Variants in MAST4 observed in about 807,000 individuals in gnomAD.
The protein encoded by MAST4 is microtubule associated serine/threonine kinase family member 4.
MAST4 carries 89 observed loss-of-function variants against 162.7 expected under a neutral mutation model. The observed-to-expected ratio is 0.55, with a 90% CI of 0.46 to 0.65. The LOEUF (loss-of-function observed/expected upper bound fraction) is 0.65. Among genes scored for constraint, MAST4 ranks in the 30% least tolerant of loss-of-function variants. The pLI, the probability that MAST4 is intolerant of heterozygous loss-of-function variation, is 0.00. For missense variants in MAST4, 3,153 were observed against 3,374.0 expected, an observed-to-expected ratio of 0.93 and a Z score of 1.62; for synonymous variants, 1,479 against 1,361.1, an observed-to-expected ratio of 1.09 and a Z score of -1.91.
intron 3 of MAST4, among the ~76,000 whole-genome samples, chr5:66,869,064 G>A (rs1760738967): frequency 6.6e-6 from 1 of 152,124 alleles, no homozygotes; most frequent in African/African-American, 2.4e-5. Flanking sequence ...TTTTCCCGAT[G>A]AGTAGGAGCC....
At chr5:66,779,240 A>G (rs1754740700) in intron 2 of MAST4, among the ~76,000 whole-genome samples, 1 of 152,146 alleles carries the variant, frequency 6.6e-6, no homozygotes, top group Middle Eastern at 3.2e-3. Context: ...CCTACTCCCA[A>G]TACCAGCCTT....
intron 5 of MAST4, among the ~76,000 whole-genome samples, chr5:67,055,199 G>C (rs1234723941): frequency 6.6e-6 from 1 of 152,160 alleles, no homozygotes; most frequent in Non-Finnish European, 1.5e-5. Flanking sequence ...AGAGTGTGGG[G>C]ATGTGTGTAC....
At chr5:66,937,657 CTCATTTTTTTCAACTAT>C (rs1402029477) in intron 4 of MAST4, among the ~76,000 whole-genome samples, 1 of 152,014 alleles carries the variant, frequency 6.6e-6, no homozygotes, top group East Asian at 1.9e-4. Flanking sequence ...CGTTCATCTA[CTCATTTTTTTCAACTAT>C]TCATTTTTTT....
chr5:67,157,597 AC>A (rs1772689492), intron 26 of MAST4, among the ~76,000 whole-genome samples: 1 of 152,198 alleles, frequency 6.6e-6, no homozygotes, highest in Non-Finnish European at 1.5e-5. Context: ...CTCATTAAGT[AC>A]CAGCTATGCA....
At chr5:66,875,764 TA>T (rs534362318) in intron 3 of MAST4, among the ~76,000 whole-genome samples, 191 of 152,330 alleles carry the variant, frequency 1.3e-3, no homozygotes, top group African/African-American at 4.2e-3. Flanking sequence ...TTTTTTTTAT[TA>T]AAAAATAATT....
At position 67,133,627 on chromosome 5, in the gene MAST4, G is replaced by A; in HGVS notation, c.2207G>A (p.Arg736Lys). Residue 736 changes from arginine to lysine, a missense_variant, in exon 17 of 29, where the codon AGA becomes AAA. Coordinates refer to ENST00000403625, the MANE Select transcript of MAST4 (RefSeq NM_001164664.2). ...GAGGGTCATATTGAGAAGGATGCTA[G>A]AGAGTTCCTGGATAAACAGGTAAGC... is the stretch of plus-strand genomic sequence containing the variant. ...LYEGHIEKDA[R>K]EFLDKQVCGT... is the part of the protein sequence containing the mutation. 1 of 1,613,194 alleles carries A rather than the reference G, an allele frequency of 6.2e-7. No homozygotes were observed. The highest frequency in any genetic ancestry group is 8.5e-7 in the Non-Finnish European group (1 of 1,179,358).
intron 6 of MAST4, among the ~76,000 whole-genome samples, chr5:67,094,748 A>G (rs189209775): frequency 6.6e-6 from 1 of 152,228 alleles, no homozygotes; most frequent in Admixed American, 6.5e-5. Flanking sequence ...AGACCCTTGT[A>G]ATGACCCTTA....
chr5:66,960,841 A>T (rs1173162392), intron 4 of MAST4, among the ~76,000 whole-genome samples: 1 of 152,134 alleles, frequency 6.6e-6, no homozygotes. Context: ...CCATTTTATG[A>T]TTAGAAGGAC....
intron 5 of MAST4, among the ~76,000 whole-genome samples, chr5:67,069,287 G>GATAGATATATATATATATATATATAT (rs1554091653): frequency 6.5e-5 from 7 of 107,628 alleles, no homozygotes; most frequent in African/African-American, 2.9e-4. Flanking sequence ...GAGGAGATTG[G>GATAGATATATATATATATATATATAT]ATATATATAT....
chr5:67,082,198 G>A (rs992947434), intron 5 of MAST4, among the ~76,000 whole-genome samples: 4 of 148,638 alleles, frequency 2.7e-5, no homozygotes, highest in African/African-American at 7.5e-5. Context: ...CGTCAGGCTG[G>A]AGTGCAGTGG....
chr5:67,114,322 T>C, intron 12 of MAST4, 103 bp downstream of exon 12: 10 of 1,367,592 alleles, frequency 7.3e-6, no homozygotes, highest in Non-Finnish European at 9.9e-6. Flanking sequence ...GTTTTGGCTC[T>C]ATCTATTGAT....
chr5:66,883,986 C>T (rs1761879678), intron 3 of MAST4, among the ~76,000 whole-genome samples: 1 of 152,178 alleles, frequency 6.6e-6, no homozygotes, highest in South Asian at 2.1e-4. Context: ...CTGCCTCTTT[C>T]ATCGTAGCAC....
At chr5:67,120,686 A>C (rs1413494360) in intron 13 of MAST4, among the ~76,000 whole-genome samples, 2 of 152,220 alleles carry the variant, frequency 1.3e-5, no homozygotes, top group Non-Finnish European at 2.9e-5. Flanking sequence ...ACAGAAACCA[A>C]AAGGAAAGCT....
At chr5:66,720,969 C>G (rs531992865) in intron 1 of MAST4, among the ~76,000 whole-genome samples, 1 of 152,246 alleles carries the variant, frequency 6.6e-6, no homozygotes, top group Admixed American at 6.5e-5. Context: ...CTCCCACTCT[C>G]TCTTCCTGCT....
intron 6 of MAST4, among the ~76,000 whole-genome samples, chr5:67,092,355 A>G (rs1020705807): frequency 2.0e-5 from 3 of 150,932 alleles, no homozygotes; most frequent in African/African-American, 7.4e-5. Flanking sequence ...ACTAGAAAGT[A>G]TAATGACACA....
At chr5:67,005,958 C>A (rs27526) in intron 4 of MAST4, among the ~76,000 whole-genome samples, 128,827 of 152,246 alleles carry the variant, frequency 0.85, 54,580 homozygotes, top group African/African-American at 0.88. Flanking sequence ...GATGCAGGCT[C>A]TCAGATTTGG....
At chr5:66,848,775 T>A (rs1233907234) in intron 3 of MAST4, among the ~76,000 whole-genome samples, 1 of 152,212 alleles carries the variant, frequency 6.6e-6, no homozygotes, top group Admixed American at 6.5e-5. Flanking sequence ...TGTTTACTTA[T>A]GAAAGTTGTA....
rs1241226880 is a variant in MAST4 at position 67,164,203 on chromosome 5, G to A, written c.5024G>A (p.Arg1675Gln). 2 of 1,613,024 alleles carry A rather than the reference G, an allele frequency of 1.2e-6. No individual in the cohort carries two copies. The highest frequency in any genetic ancestry group is 1.3e-5 in the African/African-American group (1 of 74,932). The part of the protein sequence containing the change: ...EKSSQAKELL[R>Q]CEKLDSKLAN... ...TCCTCCCAGGCCAAGGAGCTTCTCC[G>A]ATGTGAAAAGTTAGACAGCAAGCTG... is the stretch of plus-strand genomic sequence containing the variant. Residue 1675 changes from arginine (R) to glutamine (Q), a missense_variant, in exon 29 of 29, where the codon CGA becomes CAA. By Grantham distance (43) the Arg-to-Gln change is conservative. This residue lies in a region of MAST4 where 1,644 missense variants were observed against 1,495.0 expected (regional missense o/e 1.10). Transcript: ENST00000403625. This position sits in a 1 kb window ranked among gnomAD's most constrained non-coding sequence, Gnocchi z 5.3.
chr5:66,645,994 T>C (rs1216139188), intron 1 of MAST4, among the ~76,000 whole-genome samples: 2 of 152,188 alleles, frequency 1.3e-5, no homozygotes, highest in Non-Finnish European at 2.9e-5. Context: ...TTGTTCTATA[T>C]TGCTAAAGTT....
Sources: gnomAD v4.1 joint callset for allele counts (sites outside exome capture counted in the v4.1 genomes callset) on GRCh38, gnomAD v4.1.1 for gene constraint, gnomAD v4.1.1 regional missense constraint, Gnocchi (gnomAD v3.1) non-coding constraint, MANE v1.5 for transcripts, NCBI Gene and HGNC (gene_info 2026-07-23, HGNC 2026-07-21) for gene names.